The following SPAG16 variants were observed in gnomAD, a reference collection of about 807,000 sequenced individuals.
SPAG16 encodes sperm associated antigen 16, also known as sperm-associated antigen 16 protein.
In SPAG16, 86 loss-of-function variants were observed where a neutral mutation model predicts 80.4. The ratio of observed to expected loss-of-function variants is 1.07; its 90% CI spans 0.90 to 1.28. The LOEUF is 1.28. Among genes scored for constraint, SPAG16 ranks in the 50% most tolerant of loss-of-function variants. The pLI, the probability that SPAG16 is intolerant of heterozygous loss-of-function variation, is 0.00. For synonymous variants in SPAG16, 294 were observed against 265.9 expected, an observed-to-expected ratio of 1.11 and a Z score of -1.03; for missense variants, 870 against 765.3, an observed-to-expected ratio of 1.14 and a Z score of -1.61.
intron 12 of SPAG16, among the ~76,000 whole-genome samples, chr2:214,000,502 G>A (rs571077824): frequency 2.0e-5 from 3 of 152,124 alleles, no homozygotes; most frequent in South Asian, 2.1e-4. Flanking sequence ...CAGAGAACAC[G>A]AAGATTTGTC....
chr2:213,681,839 T>G (rs2064403862), intron 10 of SPAG16, among the ~76,000 whole-genome samples: 1 of 152,166 alleles, frequency 6.6e-6, no homozygotes, highest in South Asian at 2.1e-4. Flanking sequence ...AGCCTTGGCT[T>G]TTCCCTCTTT....
chr2:213,440,048 C>A (rs2070848197), intron 9 of SPAG16, among the ~76,000 whole-genome samples: 2 of 152,262 alleles, frequency 1.3e-5, no homozygotes, highest in African/African-American at 4.8e-5. Flanking sequence ...TACTGCGTAG[C>A]TGTCAATTTT....
chr2:214,024,238 T>C (rs1416378065), intron 13 of SPAG16, among the ~76,000 whole-genome samples: 8 of 151,664 alleles, frequency 5.3e-5, no homozygotes, highest in Admixed American at 2.6e-4. Flanking sequence ...CAAAAATTCA[T>C]CTTTTGAGTA....
intron 12 of SPAG16, among the ~76,000 whole-genome samples, chr2:214,007,723 T>A (rs540588955): frequency 6.6e-6 from 1 of 152,296 alleles, no homozygotes; most frequent in South Asian, 2.1e-4. Flanking sequence ...GCTCTGCACA[T>A]TATGTTTATC....
At chr2:213,300,405 T>G (rs2062693138) in intron 3 of SPAG16, among the ~76,000 whole-genome samples, 1 of 152,226 alleles carries the variant, frequency 6.6e-6, no homozygotes, top group African/African-American at 2.4e-5. Flanking sequence ...GTATCAATAG[T>G]TCTCAAAGTA....
At chr2:213,377,067 A>G (rs2125216648) in intron 9 of SPAG16, among the ~76,000 whole-genome samples, 1 of 152,334 alleles carries the variant, frequency 6.6e-6, no homozygotes, top group Non-Finnish European at 1.5e-5. Flanking sequence ...CAATGGAGAT[A>G]AATGATCTAA....
At chr2:213,812,474 A>G (rs1275923853) in intron 10 of SPAG16, among the ~76,000 whole-genome samples, 2 of 152,202 alleles carry the variant, frequency 1.3e-5, no homozygotes, top group African/African-American at 2.4e-5. Context: ...CAACCAAAAT[A>G]TCTTTTTAAA....
intron 15 of SPAG16, among the ~76,000 whole-genome samples, chr2:214,297,909 C>T (rs1329602442): frequency 1.3e-5 from 2 of 150,272 alleles, no homozygotes; most frequent in African/African-American, 4.9e-5. Context: ...ATAGAAATTG[C>T]ATTGATACTG....
rs139720174 is a variant in SPAG16 at position 213,454,389 on chromosome 2, T to C, written c.943-35574T>C. The stretch of plus-strand genomic sequence containing the variant: ...ATCCATATATTTGTGTGTTAGTCTA[T>C]AGGATAATAACAAGATTATATTTTC... On this transcript the variant is annotated intron_variant, in intron 9 of 15. Transcript: ENST00000331683. Among the ~76,000 whole-genome samples the C allele has an allele frequency of 4.7e-3, 718 of 152,306 alleles. 4 individuals are homozygous for C. The highest frequency in any genetic ancestry group is 0.016 in the African/African-American group (685 of 41,572).
At chr2:214,163,843 G>A (rs1007074824) in intron 15 of SPAG16, among the ~76,000 whole-genome samples, 10 of 151,602 alleles carry the variant, frequency 6.6e-5, no homozygotes, top group African/African-American at 2.4e-4. Context: ...CTTTATTAAC[G>A]CTTTCAACTG....
chr2:213,435,487 A>G (rs2070571201), intron 9 of SPAG16, among the ~76,000 whole-genome samples: 1 of 152,222 alleles, frequency 6.6e-6, no homozygotes, highest in African/African-American at 2.4e-5. Flanking sequence ...TCACCTTTAC[A>G]TGATATATCC....
intron 10 of SPAG16, among the ~76,000 whole-genome samples, chr2:213,635,363 T>C (rs1009251377): frequency 1.3e-5 from 2 of 152,162 alleles, no homozygotes; most frequent in African/African-American, 4.8e-5. Context: ...AATCGTGAAT[T>C]GTGCTGCTGT....
chr2:213,788,500 A>G (rs1004269321), intron 10 of SPAG16, among the ~76,000 whole-genome samples: 1 of 151,856 alleles, frequency 6.6e-6, no homozygotes, highest in Non-Finnish European at 1.5e-5. Flanking sequence ...TTTCTGTGCA[A>G]GATTCTTTGT....
chr2:213,907,904 A>AC (rs947129211), intron 11 of SPAG16, among the ~76,000 whole-genome samples: 68 of 152,282 alleles, frequency 4.5e-4, no homozygotes, highest in Admixed American at 4.2e-3. Context: ...AAATGGTACA[A>AC]ATTACAGCTA....
At chr2:213,636,016 C>G (rs574627937) in intron 10 of SPAG16, among the ~76,000 whole-genome samples, 13 of 152,288 alleles carry the variant, frequency 8.5e-5, no homozygotes, top group Non-Finnish European at 1.8e-4. Context: ...GTCATGAACT[C>G]TTAGCCTAAG....
At chr2:213,501,205 T>A (rs76286560) in intron 10 of SPAG16, among the ~76,000 whole-genome samples, 9,008 of 152,272 alleles carry the variant, frequency 0.059, 882 homozygotes, top group African/African-American at 0.2. Flanking sequence ...GCAGATGCCA[T>A]TGACAAGTTT....
At chr2:213,466,105 A>C (rs2072676879) in intron 9 of SPAG16, among the ~76,000 whole-genome samples, 2 of 152,126 alleles carry the variant, frequency 1.3e-5, no homozygotes, top group Non-Finnish European at 2.9e-5. Flanking sequence ...CCTACCCTTG[A>C]ACATTGGACT....
At chr2:213,397,179 C>T (rs2068084592) in intron 9 of SPAG16, among the ~76,000 whole-genome samples, 1 of 152,110 alleles carries the variant, frequency 6.6e-6, no homozygotes, top group Admixed American at 6.6e-5. Context: ...TAAACACTCA[C>T]ACCATAGCCA....
intron 10 of SPAG16, among the ~76,000 whole-genome samples, chr2:213,501,589 T>A (rs1009726596): frequency 6.6e-6 from 1 of 152,212 alleles, no homozygotes; most frequent in African/African-American, 2.4e-5. Flanking sequence ...GCTCTGTGTA[T>A]TTAAACAGAA....
Sources: gnomAD v4.1 joint callset for allele counts (sites outside exome capture counted in the v4.1 genomes callset) on GRCh38, gnomAD v4.1.1 for gene constraint, MANE v1.5 for transcripts, NCBI Gene and HGNC (gene_info 2026-07-23, HGNC 2026-07-21) for gene names.